The following TCF12 variants were observed in gnomAD, a reference collection of about 807,000 sequenced individuals.
TCF12 encodes transcription factor 12.
A neutral mutation model predicts 86.0 loss-of-function variants in TCF12; 45 were observed. The ratio of observed to expected loss-of-function variants is 0.52; its 90% confidence interval spans 0.41 to 0.67. The LOEUF (loss-of-function observed/expected upper bound fraction) is 0.67. Among genes scored for constraint, TCF12 ranks in the 30% least tolerant of loss-of-function variants. The pLI is 0.00. For missense variants in TCF12, 881 were observed against 859.9 expected (o/e 1.02, Z -0.31); for synonymous variants, 330 against 299.6 (o/e 1.10, Z -1.05).
chr15:57,055,328 G>C (rs1374326474), intron 3 of TCF12, among the ~76,000 whole-genome samples: 4 of 152,200 alleles, frequency 2.6e-5, no homozygotes, highest in African/African-American at 9.6e-5. Flanking sequence ...CTTGAACCTG[G>C]AGGCGGCGGT....
At chr15:57,266,511 A>G (rs185435570) in intron 18 of TCF12, among the ~76,000 whole-genome samples, 33 of 152,342 alleles carry the variant, frequency 2.2e-4, no homozygotes, top group Admixed American at 2.0e-3. Context: ...AGAGCTGAAA[A>G]TATTTACCAT....
chr15:57,072,739 C>G, intron 4 of TCF12: 1 of 1,280,624 alleles, frequency 7.8e-7, no homozygotes, highest in Non-Finnish European at 1.0e-6. Flanking sequence ...TATATTGCAT[C>G]TGTGTTCCCA....
chr15:57,119,424 A>T (rs371456103), intron 5 of TCF12, among the ~76,000 whole-genome samples: 7 of 149,972 alleles, frequency 4.7e-5, no homozygotes, highest in African/African-American at 1.7e-4. Context: ...AACCGCTGGA[A>T]TTATAGGCAT....
chr15:56,954,879 A>G (rs372979010), intron 3 of TCF12, among the ~76,000 whole-genome samples: 4 of 152,226 alleles, frequency 2.6e-5, no homozygotes, highest in African/African-American at 7.2e-5. Context: ...TAGAATGGCA[A>G]TCATTAAAAA....
At chr15:57,157,342 A>C (rs1358561755) in intron 5 of TCF12, among the ~76,000 whole-genome samples, 2 of 151,944 alleles carry the variant, frequency 1.3e-5, no homozygotes, top group African/African-American at 4.8e-5. Flanking sequence ...AAAAAATGAA[A>C]ATGTCTTTAT....
chr15:57,248,052 A>T lies in TCF12; in HGVS notation c.1115-3298A>T, dbSNP rs764852856. 5 of 703,258 alleles carry T rather than the reference A, an allele frequency of 7.1e-6. No homozygotes were observed. The African/African-American group carries it at 8.7e-5, about 12-fold the overall frequency. 43.6% of individuals were successfully genotyped at this position (703,258 alleles called of 1,614,324 possible). A position where few individuals can be genotyped will look rare whatever the true frequency, so the allele number is the denominator to read the frequency against. On this transcript the variant is annotated intron_variant, in intron 13 of 20. Transcript: ENST00000333725. ...GCGGTTTTACCTCCATTTTGAGACC[A>T]GACAACTGGACTCATGTCTTCCAAC...
Position 56,977,335 on chromosome 15 carries a change from C to T in TCF12, c.148+56237C>T, listed in dbSNP as rs896832476. 7.2e-5 allele frequency among the ~76,000 whole-genome samples: 11 copies of T among 151,976 alleles called. No homozygotes were observed. The South Asian group carries it at 1.2e-3, about 17-fold the overall frequency. On this transcript the variant is annotated intron_variant, in intron 3 of 20. Transcript: ENST00000333725. The stretch of plus-strand genomic sequence containing the variant: ...ATTGCTTGAGTCCAGGAGTTCGAGA[C>T]CAGCCTTGGCAACGTGGCAGAATCC...
intron 3 of TCF12, among the ~76,000 whole-genome samples, chr15:57,009,125 T>G (rs1240736974): frequency 1.3e-5 from 2 of 152,192 alleles, no homozygotes; most frequent in Admixed American, 6.5e-5. Context: ...TGTTGTTGTT[T>G]TGAGAGAGGG....
At chr15:57,171,463 TATAA>T (rs1457584286) in intron 6 of TCF12, among the ~76,000 whole-genome samples, 2 of 152,158 alleles carry the variant, frequency 1.3e-5, no homozygotes, top group African/African-American at 4.8e-5. Flanking sequence ...TCCAAGGAAA[TATAA>T]ATAGTGACTC....
chr15:57,222,037 GTTAAAT>G (rs1246777301), intron 8 of TCF12, among the ~76,000 whole-genome samples: 5 of 151,810 alleles, frequency 3.3e-5, no homozygotes, highest in Non-Finnish European at 7.4e-5. Flanking sequence ...TCATGAACAG[GTTAAAT>G]TTAAACTATT....
intron 5 of TCF12, among the ~76,000 whole-genome samples, chr15:57,145,214 G>C (rs1237943564): frequency 6.6e-6 from 1 of 152,138 alleles, no homozygotes; most frequent in African/African-American, 2.4e-5. Flanking sequence ...AATATTGGGA[G>C]AAAGGCAATC....
intron 3 of TCF12, among the ~76,000 whole-genome samples, chr15:57,043,978 T>C (rs2141480394): frequency 6.6e-6 from 1 of 152,114 alleles, no homozygotes; most frequent in South Asian, 2.1e-4. Flanking sequence ...CCGAAAACTA[T>C]GATGGAAAGA....
intron 6 of TCF12, among the ~76,000 whole-genome samples, chr15:57,184,178 CA>C (rs1260603022): frequency 6.6e-6 from 1 of 151,738 alleles, no homozygotes; most frequent in Non-Finnish European, 1.5e-5. Flanking sequence ...GGCCAGATAA[CA>C]AATATTTTAG....
At chr15:57,097,484 T>C (rs1014864658) in intron 5 of TCF12, among the ~76,000 whole-genome samples, 5 of 152,012 alleles carry the variant, frequency 3.3e-5, no homozygotes, top group African/African-American at 1.2e-4. Context: ...GCCAGATCAC[T>C]TCACTGTATT....
At chr15:57,149,973 C>G (rs1432181427) in intron 5 of TCF12, among the ~76,000 whole-genome samples, 1 of 152,016 alleles carries the variant, frequency 6.6e-6, no homozygotes, top group Non-Finnish European at 1.5e-5. Flanking sequence ...CTAACTAAAT[C>G]ATTACTTTTC....
chr15:57,106,938 A>G (rs1219429393), intron 5 of TCF12, among the ~76,000 whole-genome samples: 5 of 152,264 alleles, frequency 3.3e-5, no homozygotes, highest in African/African-American at 9.6e-5. Flanking sequence ...AACAATACGG[A>G]GCAACAGGAA....
chr15:57,258,287 A>G (rs1287769574), intron 16 of TCF12, among the ~76,000 whole-genome samples: 1 of 152,234 alleles, frequency 6.6e-6, no homozygotes, highest in African/African-American at 2.4e-5. Context: ...ATCAATTTAA[A>G]AAAAAGGGGA....
intron 20 of TCF12, among the ~76,000 whole-genome samples, chr15:57,283,533 AG>A (rs2061792866): frequency 6.6e-6 from 1 of 152,182 alleles, no homozygotes; most frequent in South Asian, 2.1e-4. Context: ...CCAAAGTGCT[AG>A]GATTACAGGC....
chr15:57,263,002 C>A, intron 17 of TCF12, 110 bp from the exon 18 acceptor site: 1 of 1,131,144 alleles, frequency 8.8e-7, no homozygotes, highest in Non-Finnish European at 1.2e-6. Context: ...TCCATCATAA[C>A]CCTGTAACTG....
Sources: gnomAD v4.1 joint callset for allele counts (sites outside exome capture counted in the v4.1 genomes callset) on GRCh38, gnomAD v4.1.1 for gene constraint, MANE v1.5 for transcripts, NCBI Gene and HGNC (gene_info 2026-07-23, HGNC 2026-07-21) for gene names.